The following ZNF652 variants were observed in gnomAD, a reference collection of about 807,000 sequenced individuals.
ZNF652 encodes the protein zinc finger protein 652.
Under a neutral mutation model 45.2 loss-of-function variants are expected in ZNF652, and 16 were observed. The ratio of observed to expected loss-of-function variants is 0.35; its 90% confidence interval spans 0.24 to 0.54. The LOEUF (loss-of-function observed/expected upper bound fraction) is 0.54. Among genes scored for constraint, ZNF652 ranks in the 20% least tolerant of loss-of-function variants. The pLI is 0.91. For missense variants in ZNF652, 614 were observed against 765.6 expected (o/e 0.80, Z 2.34); for synonymous variants, 250 against 260.6 (o/e 0.96, Z 0.39).
chr17:49,347,755 T>C (rs567850806), intron 1 of ZNF652, among the ~76,000 whole-genome samples: 39 of 144,362 alleles, frequency 2.7e-4, no homozygotes, highest in African/African-American at 9.5e-4. Context: ...TTTTTTTTTT[T>C]TTTTTTTTGA....
rs2069410127 is a variant in ZNF652, at chr17:49,291,986, C to T, written c.*6427G>A. 6.6e-6 allele frequency among the ~76,000 whole-genome samples: 1 copy of T among 152,130 alleles called. No individual in the cohort carries two copies. The highest frequency in any genetic ancestry group is 2.1e-4 in the South Asian group (1 of 4,828). ...TTTTGCACTATCTCACCAATAATAT[C>T]TTTCCTGTTGCCAGACAGGAAAGAT... On this transcript the variant is annotated 3_prime_UTR_variant, in exon 6 of 6. Coordinates refer to ENST00000430262, the MANE Select transcript of ZNF652 (RefSeq NM_001145365.3).
At chr17:49,351,100 T>C (rs1031156038) in intron 1 of ZNF652, among the ~76,000 whole-genome samples, 1 of 150,364 alleles carries the variant, frequency 6.7e-6, no homozygotes, top group Non-Finnish European at 1.5e-5. Flanking sequence ...TTTGATGTTT[T>C]AAGACATTAT....
intron 1 of ZNF652, among the ~76,000 whole-genome samples, chr17:49,325,806 G>A (rs1027790378): frequency 6.6e-6 from 1 of 152,010 alleles, no homozygotes; most frequent in Non-Finnish European, 1.5e-5. Context: ...TTTTTATTAT[G>A]GTTAATTTTA....
At chr17:49,313,476 CAG>C (rs765489609) in intron 2 of ZNF652, among the ~76,000 whole-genome samples, 6 of 151,998 alleles carry the variant, frequency 3.9e-5, no homozygotes, top group Non-Finnish European at 8.8e-5. Flanking sequence ...AATTTTTAAA[CAG>C]AAGTTGCAAG....
At chr17:49,347,588 C>G (rs1487553599) in intron 1 of ZNF652, among the ~76,000 whole-genome samples, 2 of 151,716 alleles carry the variant, frequency 1.3e-5, no homozygotes, top group Non-Finnish European at 2.9e-5. Flanking sequence ...AATTTGCAAC[C>G]CCTAATGAAT....
chr17:49,360,732 G>A (rs1240914091), intron 1 of ZNF652, among the ~76,000 whole-genome samples: 3 of 151,944 alleles, frequency 2.0e-5, no homozygotes, highest in African/African-American at 7.3e-5. Flanking sequence ...AGAACAATAC[G>A]GGCCTGGCCA....
chr17:49,331,144 C>T (rs1271678962), intron 1 of ZNF652, among the ~76,000 whole-genome samples: 5 of 110,858 alleles, frequency 4.5e-5, no homozygotes, highest in African/African-American at 6.7e-5. Context: ...TTTTTTGGGA[C>T]GGAGTCTCGC....
At chr17:49,321,198 T>C (rs1346904434) in intron 1 of ZNF652, among the ~76,000 whole-genome samples, 2 of 152,168 alleles carry the variant, frequency 1.3e-5, no homozygotes, top group Non-Finnish European at 2.9e-5. Flanking sequence ...TTCCAGGTGA[T>C]GGTTGCTCTC....
chr17:49,356,588 T>C (rs2070340043), intron 1 of ZNF652, among the ~76,000 whole-genome samples: 1 of 152,124 alleles, frequency 6.6e-6, no homozygotes, highest in African/African-American at 2.4e-5. Context: ...AGGGCTATTA[T>C]ACATTCTAGC....
At chr17:49,304,683 C>T (rs1407498586) in intron 5 of ZNF652, among the ~76,000 whole-genome samples, 1 of 151,898 alleles carries the variant, frequency 6.6e-6, no homozygotes, top group Non-Finnish European at 1.5e-5. Flanking sequence ...ATAAAGCTAA[C>T]CTAATTGTAC....
At chr17:49,346,420 G>A (rs762496096) in intron 1 of ZNF652, among the ~76,000 whole-genome samples, 2 of 152,162 alleles carry the variant, frequency 1.3e-5, no homozygotes, top group Non-Finnish European at 2.9e-5. Context: ...GCATGGTGGT[G>A]TGCACATGTA....
chr17:49,327,768 TATATATATATA>T (rs1294368803), intron 1 of ZNF652, among the ~76,000 whole-genome samples: 77 of 5,660 alleles, frequency 0.014, no homozygotes, highest in African/African-American at 0.046. Context: ...TATATATATA[TATATATATATA>T]TTTTTTTTTT....
intron 1 of ZNF652, among the ~76,000 whole-genome samples, chr17:49,328,276 C>T (rs773542324): frequency 5.3e-5 from 8 of 151,814 alleles, no homozygotes; most frequent in Admixed American, 5.3e-4. Context: ...GAAGGACAAG[C>T]AGAAGTCAGA....
At chr17:49,303,933 G>C (rs1426869732) in intron 5 of ZNF652, among the ~76,000 whole-genome samples, 1 of 151,818 alleles carries the variant, frequency 6.6e-6, no homozygotes, top group Non-Finnish European at 1.5e-5. Context: ...CAGTCACCCA[G>C]GCCGGAGTGC....
At chr17:49,332,034 A>C (rs1267875004) in intron 1 of ZNF652, among the ~76,000 whole-genome samples, 1 of 152,202 alleles carries the variant, frequency 6.6e-6, no homozygotes, top group Non-Finnish European at 1.5e-5. Flanking sequence ...CTGTAATCCC[A>C]GCATTTTGGG....
chr17:49,333,986 T>TA (rs1214579694), intron 1 of ZNF652, among the ~76,000 whole-genome samples: 1 of 151,760 alleles, frequency 6.6e-6, no homozygotes, highest in Admixed American at 6.6e-5. Flanking sequence ...AAAAAAAAAT[T>TA]AAACAGTTAA....
intron 1 of ZNF652, among the ~76,000 whole-genome samples, chr17:49,336,033 T>G (rs1196639618): frequency 1.3e-5 from 2 of 152,140 alleles, no homozygotes; most frequent in East Asian, 1.9e-4. Context: ...TACTTTTTTT[T>G]TTTTGTTTTG....
At chr17:49,357,034 C>T (rs1453626206) in intron 1 of ZNF652, among the ~76,000 whole-genome samples, 2 of 150,630 alleles carry the variant, frequency 1.3e-5, no homozygotes, top group African/African-American at 4.9e-5. Context: ...CACAGTGGCT[C>T]ACGCCTGTAA....
intron 2 of ZNF652, among the ~76,000 whole-genome samples, chr17:49,313,321 A>G (rs984117921): frequency 1.3e-5 from 2 of 151,826 alleles, no homozygotes; most frequent in Non-Finnish European, 2.9e-5. Flanking sequence ...ATTCCCGGCT[A>G]ATTTTTTTTG....
Sources: gnomAD v4.1 joint callset for allele counts (sites outside exome capture counted in the v4.1 genomes callset) on GRCh38, gnomAD v4.1.1 for gene constraint, MANE v1.5 for transcripts, NCBI Gene and HGNC (gene_info 2026-07-23, HGNC 2026-07-21) for gene names.